SGCD: variants seen among roughly 807,000 people sequenced by gnomAD.
SGCD encodes the protein sarcoglycan delta.
In SGCD, 18 loss-of-function variants were observed where a neutral mutation model predicts 36.6. That is an observed-to-expected ratio of 0.49 (90% CI 0.34 to 0.73). The LOEUF is 0.73. Ranked by LOEUF, SGCD falls within the 30% of genes least tolerant of loss-of-function variation. The pLI, the probability that SGCD is intolerant of heterozygous loss-of-function variation, is 0.01. For synonymous variants in SGCD, 133 were observed against 130.6 expected, an observed-to-expected ratio of 1.02 and a Z score of -0.12; for missense variants, 387 against 346.7, an observed-to-expected ratio of 1.12 and a Z score of -0.92.
intron 3 of SGCD, among the ~76,000 whole-genome samples, chr5:156,444,100 CT>C (rs1753637481): frequency 1.7e-5 from 2 of 119,476 alleles, no homozygotes; most frequent in East Asian, 2.6e-4. Context: ...CTCTCTCTCT[CT>C]CTCTCTCTCT....
intron 1 of SGCD, among the ~76,000 whole-genome samples, chr5:156,028,872 A>T (rs1468093889): frequency 6.6e-6 from 1 of 152,194 alleles, no homozygotes; most frequent in Non-Finnish European, 1.5e-5. Context: ...AAAGATTTTT[A>T]ATGTTAATAT....
At chr5:156,480,263 T>A (rs375081031) in intron 3 of SGCD, among the ~76,000 whole-genome samples, 15 of 152,366 alleles carry the variant, frequency 9.8e-5, no homozygotes, top group African/African-American at 3.6e-4. Flanking sequence ...GAGGAAGTGA[T>A]GCTTTGATTG....
the SGCD span, among the ~76,000 whole-genome samples, chr5:155,787,407 ATTATTGTTTAATATCACTT>A: frequency 6.6e-6 from 1 of 152,140 alleles, no homozygotes; most frequent in East Asian, 1.9e-4. Context: ...TAAATCGCAT[ATTATTGTTTAATATCACTT>A]TTATGTTCCC....
chr5:156,237,539 C>T (rs913526151), intron 3 of SGCD, among the ~76,000 whole-genome samples: 3 of 152,018 alleles, frequency 2.0e-5, no homozygotes, highest in African/African-American at 4.8e-5. Flanking sequence ...GTGGATGAAT[C>T]GGTTGAAACC....
intron 1 of SGCD, among the ~76,000 whole-genome samples, chr5:156,001,803 C>G (rs1181547770): frequency 6.6e-6 from 1 of 152,182 alleles, no homozygotes; most frequent in African/African-American, 2.4e-5. Context: ...GCAAGCAGGA[C>G]TCGGGCGGAG....
chr5:156,103,531 T>G (rs1761573162), intron 1 of SGCD, among the ~76,000 whole-genome samples: 1 of 152,168 alleles, frequency 6.6e-6, no homozygotes, highest in African/African-American at 2.4e-5. Flanking sequence ...ATGATCTTTT[T>G]TCTTTTTGAA....
At chr5:156,711,839 A>T (rs1269791267) in intron 7 of SGCD, among the ~76,000 whole-genome samples, 1 of 152,202 alleles carries the variant, frequency 6.6e-6, no homozygotes, top group Non-Finnish European at 1.5e-5. Flanking sequence ...CAAGTTTATT[A>T]AGAAAGTAGA....
the SGCD span, among the ~76,000 whole-genome samples, chr5:155,763,645 A>G: frequency 6.6e-6 from 1 of 152,198 alleles, no homozygotes; most frequent in Non-Finnish European, 1.5e-5. Context: ...TGCATAAAGT[A>G]TTATATCATA....
At chr5:155,820,946 G>A in the SGCD span, among the ~76,000 whole-genome samples, 1 of 152,048 alleles carries the variant, frequency 6.6e-6, no homozygotes, top group Non-Finnish European at 1.5e-5. Context: ...GCATGGGATT[G>A]ACATCCACAC....
chr5:156,069,761 GAATGAA>G (rs199897929), intron 1 of SGCD, among the ~76,000 whole-genome samples: 31,083 of 146,828 alleles, frequency 0.21, 3,914 homozygotes, highest in African/African-American at 0.33. Flanking sequence ...CATAAGCATG[GAATGAA>G]AATGTTCTTC....
chr5:156,199,048 C>T (rs1409545737), intron 3 of SGCD, among the ~76,000 whole-genome samples: 2 of 151,908 alleles, frequency 1.3e-5, no homozygotes, highest in African/African-American at 2.4e-5. Context: ...GTCATATATG[C>T]AAAACTCTAG....
intron 6 of SGCD, among the ~76,000 whole-genome samples, chr5:156,611,536 ATTCT>A (rs762278784): frequency 1.4e-4 from 21 of 152,254 alleles, no homozygotes; most frequent in East Asian, 3.9e-4. Context: ...AGCTTTTAGA[ATTCT>A]TTCTTTTGCT....
At chr5:156,099,526 TGCCTCA>T (rs1412874422) in intron 1 of SGCD, among the ~76,000 whole-genome samples, 2 of 152,182 alleles carry the variant, frequency 1.3e-5, no homozygotes, top group African/African-American at 4.8e-5. Flanking sequence ...GTGACTCTCC[TGCCTCA>T]GCCTCCCAAG....
chr5:156,543,831 G>T (rs1758451715), intron 4 of SGCD, among the ~76,000 whole-genome samples: 1 of 152,182 alleles, frequency 6.6e-6, no homozygotes, highest in African/African-American at 2.4e-5. Flanking sequence ...CAGTGAAGAG[G>T]TTATTCTCCT....
chr5:156,657,390 T>TC (rs70984411), intron 7 of SGCD, among the ~76,000 whole-genome samples: 5 of 115,796 alleles, frequency 4.3e-5, no homozygotes, highest in African/African-American at 1.3e-4. Context: ...ATGCTATCCC[T>TC]CCCCCCTCCC....
intron 3 of SGCD, among the ~76,000 whole-genome samples, chr5:156,262,402 T>G (rs1160344231): frequency 6.6e-6 from 1 of 152,178 alleles, no homozygotes; most frequent in East Asian, 1.9e-4. Flanking sequence ...GGTTATACCA[T>G]GTAGCCTAGG....
intron 3 of SGCD, among the ~76,000 whole-genome samples, chr5:156,462,291 T>A (rs1754520360): frequency 6.6e-6 from 1 of 152,186 alleles, no homozygotes; most frequent in Admixed American, 6.5e-5. Context: ...AATTCCAAAG[T>A]TAACCAAGAC....
chr5:156,599,783 G>A (rs769626029), intron 6 of SGCD, among the ~76,000 whole-genome samples: 1 of 152,240 alleles, frequency 6.6e-6, no homozygotes, highest in African/African-American at 2.4e-5. Flanking sequence ...CAAGAGCCAT[G>A]CAGTTGAGTA....
rs76610037 is a variant in SGCD, at chr5:155,926,052, T to C, written c.-282+55628T>C. ...TACTGACATTATAAAAGCGAGCCAC[T>C]GTGCTTGGCCCCCAACTTTCATCTG... On this transcript the variant is annotated intron_variant, in intron 1 of 9. Coordinates refer to the SGCD transcript ENST00000517913. Among the ~76,000 whole-genome samples, 19 of 152,230 alleles carry C rather than the reference T, an allele frequency of 1.2e-4. No homozygotes were observed. In the East Asian group the frequency reaches 3.5e-3, roughly 28 times the overall value.
Sources: allele counts gnomAD v4.1 joint callset (sites outside exome capture counted in the v4.1 genomes callset), GRCh38; gene constraint gnomAD v4.1.1; transcripts MANE v1.5; gene names NCBI Gene and HGNC (gene_info 2026-07-23, HGNC 2026-07-21).